Variants in ANGPT1 observed in about 807,000 individuals in gnomAD.
ANGPT1 encodes the protein angiopoietin-1.
Under a neutral mutation model 62.2 loss-of-function variants are expected in ANGPT1, and 17 were observed. That is an observed-to-expected ratio of 0.27 (90% confidence interval 0.19 to 0.41). ANGPT1 has a LOEUF of 0.41. Among genes scored for constraint, ANGPT1 ranks in the 10% least tolerant of loss-of-function variants. The pLI, the probability that ANGPT1 is intolerant of heterozygous loss-of-function variation, is 1.00. For synonymous variants in ANGPT1, 199 were observed against 198.9 expected, an observed-to-expected ratio of 1.00 and a Z score of 0.00; for missense variants, 478 against 594.9, an observed-to-expected ratio of 0.80 and a Z score of 2.04.
chr8:107,475,130 A>G (rs1200827189), intron 1 of ANGPT1, among the ~76,000 whole-genome samples: 1 of 152,224 alleles, frequency 6.6e-6, no homozygotes. Context: ...TGGCCAAGAC[A>G]ATCCTAAGCC....
At chr8:107,480,822 T>C (rs931264561) in intron 1 of ANGPT1, among the ~76,000 whole-genome samples, 1 of 152,128 alleles carries the variant, frequency 6.6e-6, no homozygotes, top group Non-Finnish European at 1.5e-5. Flanking sequence ...TGAAGAATTG[T>C]AACAGGAGAT....
intron 7 of ANGPT1, among the ~76,000 whole-genome samples, chr8:107,283,264 T>A (rs945527938): frequency 6.6e-6 from 1 of 152,172 alleles, no homozygotes; most frequent in East Asian, 1.9e-4. Flanking sequence ...CTTGGAAACA[T>A]TTCTTCTTAC....
At chr8:107,375,418 C>A (rs975692579) in intron 1 of ANGPT1, among the ~76,000 whole-genome samples, 2 of 152,024 alleles carry the variant, frequency 1.3e-5, no homozygotes, top group African/African-American at 4.8e-5. Context: ...AAGCTAAATT[C>A]TACATTATTA....
At chr8:107,297,567 A>G (rs1376062166) in intron 5 of ANGPT1, among the ~76,000 whole-genome samples, 1 of 144,664 alleles carries the variant, frequency 6.9e-6, no homozygotes, top group Admixed American at 7.0e-5. Context: ...AATTTAATAT[A>G]CTATAGTTAT....
chr8:107,378,753 T>C (rs1463716330), intron 1 of ANGPT1, among the ~76,000 whole-genome samples: 1 of 152,122 alleles, frequency 6.6e-6, no homozygotes, highest in Non-Finnish European at 1.5e-5. Context: ...ACTGTGGCCT[T>C]GTGAAGAAGG....
At chr8:107,306,271 G>T (rs1397733205) in intron 4 of ANGPT1, among the ~76,000 whole-genome samples, 1 of 151,996 alleles carries the variant, frequency 6.6e-6, no homozygotes, top group Non-Finnish European at 1.5e-5. Context: ...TTATATTTAG[G>T]ATCACATTGA....
intron 3 of ANGPT1, among the ~76,000 whole-genome samples, chr8:107,331,162 T>A (rs1036583979): frequency 6.6e-6 from 1 of 152,168 alleles, no homozygotes; most frequent in East Asian, 1.9e-4. Context: ...TCTTTAGGCA[T>A]ATTAAGCATT....
At chr8:107,377,969 A>G (rs898642189) in intron 1 of ANGPT1, among the ~76,000 whole-genome samples, 8 of 152,220 alleles carry the variant, frequency 5.3e-5, no homozygotes, top group Admixed American at 1.3e-4. Context: ...TTGCACTGGC[A>G]TACACTGCAG....
At chr8:107,331,494 C>T (rs937339141) in intron 3 of ANGPT1, among the ~76,000 whole-genome samples, 9 of 152,050 alleles carry the variant, frequency 5.9e-5, no homozygotes, top group African/African-American at 1.7e-4. Context: ...ATACTTGAGG[C>T]CTCATCACAT....
chr8:107,363,225 T>G (rs1301484895), intron 1 of ANGPT1, among the ~76,000 whole-genome samples: 1 of 152,122 alleles, frequency 6.6e-6, no homozygotes, highest in Non-Finnish European at 1.5e-5. Context: ...TTTCTTGTAA[T>G]GATCAAATGA....
At chr8:107,277,877 C>T (rs1192607659) in intron 7 of ANGPT1, among the ~76,000 whole-genome samples, 1 of 152,068 alleles carries the variant, frequency 6.6e-6, no homozygotes, top group African/African-American at 2.4e-5. Context: ...AGAGACATGA[C>T]TGCAAATGCA....
intron 1 of ANGPT1, among the ~76,000 whole-genome samples, chr8:107,370,389 AAAG>A (rs1311899603): frequency 0.01 from 472 of 45,660 alleles, 117 homozygotes; most frequent in East Asian, 0.05. Flanking sequence ...AGAAAGAAAG[AAAG>A]AAAGAAAGAA....
chr8:107,440,880 C>T (rs1230656568), intron 1 of ANGPT1, among the ~76,000 whole-genome samples: 1 of 152,168 alleles, frequency 6.6e-6, no homozygotes, highest in Non-Finnish European at 1.5e-5. Flanking sequence ...ATATGCTTAA[C>T]TTAAAATGTC....
At chr8:107,475,652 T>C (rs1812500723) in intron 1 of ANGPT1, among the ~76,000 whole-genome samples, 1 of 152,162 alleles carries the variant, frequency 6.6e-6, no homozygotes, top group Non-Finnish European at 1.5e-5. Context: ...ACAGGCAACC[T>C]ACAGAATGGG....
intron 6 of ANGPT1, among the ~76,000 whole-genome samples, chr8:107,287,147 G>A (rs547198622): frequency 1.3e-5 from 2 of 152,236 alleles, no homozygotes; most frequent in African/African-American, 4.8e-5. Context: ...TGTGAATAAA[G>A]AGGCTGGGAA....
In ANGPT1 at chr8:107,497,560, G is replaced by T. The variant is rs776432944; in HGVS notation, c.-2C>A. 2 of 1,612,656 alleles carry T rather than the reference G, an allele frequency of 1.2e-6. No homozygotes were observed. The highest frequency in any genetic ancestry group is 1.7e-6 in the Non-Finnish European group (2 of 1,179,228). ...AGCAAAGGAAAGGAAAACTGTCATT[G>T]TACTGCCAGCACACTCCTTCCGTGC... On this transcript the variant is annotated 5_prime_UTR_variant, in exon 1 of 9. Coordinates refer to ENST00000517746, the MANE Select transcript of ANGPT1 (RefSeq NM_001146.5).
At chr8:107,389,610 C>A (rs1250235983) in intron 1 of ANGPT1, among the ~76,000 whole-genome samples, 9 of 152,080 alleles carry the variant, frequency 5.9e-5, no homozygotes, top group Non-Finnish European at 5.9e-5. Flanking sequence ...TCCTGAACAT[C>A]TTTTGTCTGT....
At chr8:107,315,672 C>G (rs1020415647) in intron 4 of ANGPT1, among the ~76,000 whole-genome samples, 1 of 151,960 alleles carries the variant, frequency 6.6e-6, no homozygotes, top group African/African-American at 2.4e-5. Flanking sequence ...TAAAAACCTT[C>G]AAATTTTTCT....
intron 1 of ANGPT1, among the ~76,000 whole-genome samples, chr8:107,372,841 A>C (rs1345353994): frequency 6.6e-6 from 1 of 151,452 alleles, no homozygotes; most frequent in Non-Finnish European, 1.5e-5. Context: ...AAAGCCACCA[A>C]GCAGAAGACG....
Sources: allele counts gnomAD v4.1 joint callset (sites outside exome capture counted in the v4.1 genomes callset), GRCh38; gene constraint gnomAD v4.1.1; transcripts MANE v1.5; gene names NCBI Gene and HGNC (gene_info 2026-07-23, HGNC 2026-07-21).